The following ARAP2 variants were observed in gnomAD, a reference collection of about 807,000 sequenced individuals.
ARAP2 encodes ArfGAP with RhoGAP domain, ankyrin repeat and PH domain 2, also known as arf-GAP with Rho-GAP domain, ANK repeat and PH domain-containing protein 2.
ARAP2 carries 148 observed loss-of-function variants against 194.5 expected under a neutral mutation model. The ratio of observed to expected loss-of-function variants is 0.76; its 90% CI spans 0.67 to 0.87. ARAP2 has a LOEUF of 0.87. ARAP2 is among the 40% of genes least tolerant of loss of function. The pLI, the probability that ARAP2 is intolerant of heterozygous loss-of-function variation, is 0.00. For missense variants in ARAP2, 2,128 were observed against 1,989.7 expected (o/e 1.07, Z -1.32); for synonymous variants, 695 against 683.5 (o/e 1.02, Z -0.26).
At chr4:36,035,127 CT>C (rs1317181049) in intron 5 of ARAP2, among the ~76,000 whole-genome samples, 1 of 151,866 alleles carries the variant, frequency 6.6e-6, no homozygotes, top group Non-Finnish European at 1.5e-5. Flanking sequence ...AGTTTCTCTT[CT>C]TTTTTTAATA....
At chr4:36,011,273 G>C (rs1714496243) in intron 9 of ARAP2, among the ~76,000 whole-genome samples, 1 of 152,026 alleles carries the variant, frequency 6.6e-6, no homozygotes, top group Non-Finnish European at 1.5e-5. Context: ...CGTTTTTCAA[G>C]TCTTATAAGG....
chr4:36,198,020 T>C (rs1293920505), intron 6 of ARAP2, among the ~76,000 whole-genome samples: 1 of 152,200 alleles, frequency 6.6e-6, no homozygotes, highest in African/African-American at 2.4e-5. Context: ...GTTACAGCTC[T>C]TTCAGCCCCG....
chr4:36,026,388 C>T (rs1717910946), intron 5 of ARAP2, among the ~76,000 whole-genome samples: 1 of 152,212 alleles, frequency 6.6e-6, no homozygotes. Context: ...ACAAGGATCA[C>T]TACCTTCTCC....
chr4:36,107,621 G>A lies in ARAP2; in HGVS notation c.4229C>T (p.Ser1410Phe), dbSNP rs1718751328. 1 of 1,611,070 alleles carries A rather than the reference G, an allele frequency of 6.2e-7. No individual in the cohort carries two copies. Among genetic ancestry groups the A allele is most frequent in the Non-Finnish European group, 8.5e-7 (1 of 1,178,228 alleles). Residue 1410 changes from serine to phenylalanine, a missense_variant, in exon 27 of 33, where the codon TCT becomes TTT. Coordinates refer to ENST00000303965, the MANE Select transcript of ARAP2 (RefSeq NM_015230.4). Reference sequence around the variant, plus strand: ...GAATCTCTTCACCACCAGGTAAGCAGAGCCAGGTTCAGCTAATGAACTCCA... The same window carrying A: ...GAATCTCTTCACCACCAGGTAAGCAAAGCCAGGTTCAGCTAATGAACTCCA... ...LRWSSLAEPG[S>F]AYLVVKRFLT...
intron 5 of ARAP2, among the ~76,000 whole-genome samples, chr4:36,023,244 A>T (rs1294726876): frequency 6.6e-6 from 1 of 152,170 alleles, no homozygotes; most frequent in Non-Finnish European, 1.5e-5. Flanking sequence ...AGGAAAACAA[A>T]ATGTCACTTG....
At chr4:36,223,057 A>G (rs550512018) in intron 2 of ARAP2, among the ~76,000 whole-genome samples, 303 of 152,144 alleles carry the variant, frequency 2.0e-3, no homozygotes, top group African/African-American at 6.8e-3. Context: ...TACCCCAACC[A>G]TCATAAACAT....
At chr4:36,218,583 A>T (rs1249111409) in intron 2 of ARAP2, among the ~76,000 whole-genome samples, 1 of 149,224 alleles carries the variant, frequency 6.7e-6, no homozygotes, top group African/African-American at 2.6e-5. Flanking sequence ...CAGACAATAC[A>T]CAGAAACCAA....
intron 27 of ARAP2, among the ~76,000 whole-genome samples, chr4:36,104,649 T>C (rs1717900383): frequency 6.6e-6 from 1 of 151,982 alleles, no homozygotes; most frequent in African/African-American, 2.4e-5. Context: ...ACAGATTCCT[T>C]AAAAGGGCAA....
intron 19 of ARAP2, among the ~76,000 whole-genome samples, chr4:36,134,989 CA>C (rs1253546059): frequency 6.6e-6 from 1 of 151,732 alleles, no homozygotes; most frequent in East Asian, 1.9e-4. Context: ...AACCTTTACA[CA>C]GGCAAGCAAA....
intron 21 of ARAP2, among the ~76,000 whole-genome samples, chr4:36,127,912 A>G (rs1173763929): frequency 1.3e-5 from 2 of 151,978 alleles, no homozygotes; most frequent in Admixed American, 1.3e-4. Context: ...ATGTTTCAAT[A>G]AAAGGACTTG....
intron 1 of ARAP2, among the ~76,000 whole-genome samples, chr4:36,239,203 T>C (rs1359072821): frequency 6.6e-6 from 1 of 150,906 alleles, no homozygotes; most frequent in African/African-American, 2.5e-5. Context: ...TTGAACCCAG[T>C]GGGCGGAGGT....
At chr4:36,022,980 T>C (rs371517638) in intron 5 of ARAP2, among the ~76,000 whole-genome samples, 4 of 152,190 alleles carry the variant, frequency 2.6e-5, no homozygotes, top group African/African-American at 9.6e-5. Context: ...ATCCTTTCTC[T>C]GAATTTTTTG....
At chr4:36,224,963 A>G (rs1345888012) in intron 2 of ARAP2, among the ~76,000 whole-genome samples, 2 of 152,198 alleles carry the variant, frequency 1.3e-5, no homozygotes, top group Non-Finnish European at 2.9e-5. Flanking sequence ...TGTATTGTTG[A>G]CATTAAAATC....
chr4:36,046,859 A>C (rs1721920024), intron 3 of ARAP2: 1 of 152,240 alleles, frequency 6.6e-6, no homozygotes, highest in East Asian at 1.9e-4. Context: ...CCTCATTAGG[A>C]CAGGAAGATA....
intron 9 of ARAP2, among the ~76,000 whole-genome samples, chr4:36,173,551 T>C (rs975717190): frequency 1.3e-5 from 2 of 151,250 alleles, no homozygotes; most frequent in Non-Finnish European, 3.0e-5. Flanking sequence ...CAGAAAAAAA[T>C]TGTAGAAAAT....
chr4:36,176,613 T>C (rs2109846601), intron 9 of ARAP2, among the ~76,000 whole-genome samples: 1 of 152,220 alleles, frequency 6.6e-6, no homozygotes, highest in Admixed American at 6.5e-5. Context: ...TCCATTCCAA[T>C]AAGAAAAGTT....
At chr4:36,165,231 G>T in intron 10 of ARAP2, 118 bp from the exon 11 acceptor site, 1 of 924,586 alleles carries the variant, frequency 1.1e-6, no homozygotes, top group Non-Finnish European at 1.6e-6. Context: ...AAATATGGCT[G>T]CTAGGCAGTT....
intron 3 of ARAP2, among the ~76,000 whole-genome samples, chr4:36,214,120 C>G (rs933184001): frequency 6.6e-6 from 1 of 152,144 alleles, no homozygotes; most frequent in African/African-American, 2.4e-5. Context: ...TTCTGTAGCT[C>G]AAACTGCCAG....
rs148434245 is a variant in ARAP2 at position 36,031,477 on chromosome 4, T to G, written n.608-12191A>C. ...GTTGTGTTGTGTTTTGTTTTTCTTT[T>G]GAAGGAAATAAGTATTTATATTTCA... On this transcript the variant is annotated intron_variant and non_coding_transcript_variant, in intron 5 of 12. Transcript: ENST00000503225. 4.1e-3 allele frequency among the ~76,000 whole-genome samples: 621 copies of G among 152,312 alleles called. 4 individuals are homozygous for G. Among genetic ancestry groups the G allele is most frequent in the African/African-American group, 0.014 (597 of 41,566 alleles).
Sources: allele counts gnomAD v4.1 joint callset (sites outside exome capture counted in the v4.1 genomes callset), GRCh38; gene constraint gnomAD v4.1.1; transcripts MANE v1.5; gene names NCBI Gene and HGNC (gene_info 2026-07-23, HGNC 2026-07-21).